The following PTCHD4 variants were observed in gnomAD, a reference collection of about 807,000 sequenced individuals.
The protein encoded by PTCHD4 is patched domain containing 4.
Under a neutral mutation model 58.1 loss-of-function variants are expected in PTCHD4, and 33 were observed. The observed-to-expected ratio is 0.57, with a 90% CI of 0.43 to 0.76. PTCHD4 has a LOEUF of 0.76. Among genes scored for constraint, PTCHD4 ranks in the 30% least tolerant of loss-of-function variants. The pLI is 0.00. For synonymous variants in PTCHD4, 478 were observed against 409.6 expected (o/e 1.17, Z -2.02); for missense variants, 1,058 against 1,027.1 (o/e 1.03, Z -0.41).
chr6:47,996,250 C>T (rs1189700227), intron 4 of PTCHD4, among the ~76,000 whole-genome samples: 2 of 152,118 alleles, frequency 1.3e-5, no homozygotes, highest in African/African-American at 4.8e-5. Context: ...GAGCGGATCA[C>T]TTGAGGTCAG....
intron 4 of PTCHD4, among the ~76,000 whole-genome samples, chr6:47,928,410 A>G (rs1013704163): frequency 5.3e-5 from 8 of 152,228 alleles, no homozygotes; most frequent in African/African-American, 1.7e-4. Context: ...GGGGCCTTGG[A>G]CAGGGGATGA....
At chr6:48,024,782 C>A (rs1421213248) in intron 3 of PTCHD4, among the ~76,000 whole-genome samples, 1 of 152,126 alleles carries the variant, frequency 6.6e-6, no homozygotes, top group African/African-American at 2.4e-5. Context: ...AAGTAAGAAC[C>A]AAACCTCCTG....
Position 47,879,496 on chromosome 6 carries a change from G to A in PTCHD4, c.1339C>T (p.Leu447Phe), listed in dbSNP as rs775962766. ...ATCCATTCATTATAATGTTCACGGA[G>A]GAAGTGCTGAATGAAGTGGTGCTGG... ...PYQHHFIQHF[L>F]REHYNEWITN... Residue 447 changes from leucine to phenylalanine, a missense_variant, in exon 5 of 5, where the codon CTC (leucine) becomes TTC (phenylalanine). Physicochemically the swap from Leu to Phe is conservative, Grantham distance 22. Transcript: ENST00000339488. 6.2e-7 allele frequency: 1 copy of A among 1,613,630 alleles called. No homozygotes were observed. Among genetic ancestry groups the A allele is most frequent in the South Asian group, 1.1e-5 (1 of 91,076 alleles).
In PTCHD4 at chr6:47,978,364, T is replaced by C. The variant is rs193158861; in HGVS notation, c.898+30270A>G. 4.7e-3 allele frequency among the ~76,000 whole-genome samples: 719 copies of C among 152,294 alleles called. 3 individuals are homozygous for C. Among genetic ancestry groups the C allele is most frequent in the African/African-American group, 0.016 (648 of 41,568 alleles). On this transcript the variant is annotated intron_variant, in intron 4 of 4. Coordinates refer to ENST00000339488, the MANE Select transcript of PTCHD4 (RefSeq NM_001384253.1). ...ACTACTAAACTACCAAGAGGCGGTA[T>C]GAGTTAGAGGTCTGGAGAGCTCTGC...
chr6:47,973,457 T>C (rs1172692227), intron 4 of PTCHD4, among the ~76,000 whole-genome samples: 4 of 152,188 alleles, frequency 2.6e-5, no homozygotes, highest in African/African-American at 4.8e-5. Context: ...TAGCTGGAGA[T>C]ATAATCAAGG....
chr6:48,020,111 A>T (rs1474132369), intron 3 of PTCHD4, among the ~76,000 whole-genome samples: 1 of 152,174 alleles, frequency 6.6e-6, no homozygotes, highest in African/African-American at 2.4e-5. Context: ...AAATTTGCTT[A>T]TTCCAAAGCT....
chr6:48,083,314 C>T (rs1334933780), intron 1 of PTCHD4, among the ~76,000 whole-genome samples: 1 of 151,678 alleles, frequency 6.6e-6, no homozygotes, highest in Non-Finnish European at 1.5e-5. Flanking sequence ...TTTTACTTAA[C>T]AAAACAGATA....
In PTCHD4 at chr6:47,936,767, A is replaced by C. The variant is rs1280120599; in HGVS notation, c.899-56831T>G. 2.6e-5 allele frequency among the ~76,000 whole-genome samples: 4 copies of C among 152,336 alleles called. No individual in the cohort carries two copies. The East Asian group carries it at 7.7e-4, about 29-fold the overall frequency. On this transcript the variant is annotated intron_variant, in intron 4 of 4. Transcript: ENST00000339488. Reference sequence around the variant, plus strand: ...TTTTACAGTTTACATTCTAATACACACAAAAAAGGATAAGAAATAATATAA... The same window carrying C: ...TTTTACAGTTTACATTCTAATACACCCAAAAAAGGATAAGAAATAATATAA...
intron 4 of PTCHD4, among the ~76,000 whole-genome samples, chr6:48,002,841 C>G (rs1321053827): frequency 6.6e-6 from 1 of 151,908 alleles, no homozygotes. Context: ...CTTGAAATTA[C>G]CCTTTCATTT....
intron 4 of PTCHD4, among the ~76,000 whole-genome samples, chr6:47,916,614 A>G (rs1380841428): frequency 1.3e-5 from 2 of 151,944 alleles, no homozygotes. Context: ...ACCCCCTTGA[A>G]TCAAACTTTC....
intron 4 of PTCHD4, among the ~76,000 whole-genome samples, chr6:47,893,516 G>A (rs1042118509): frequency 1.3e-5 from 2 of 152,178 alleles, no homozygotes; most frequent in African/African-American, 4.8e-5. Context: ...TATGGTATAT[G>A]AGTCAAGGCA....
chr6:47,928,188 A>T (rs1048994203), intron 4 of PTCHD4, among the ~76,000 whole-genome samples: 2 of 152,266 alleles, frequency 1.3e-5, no homozygotes, highest in Middle Eastern at 3.4e-3. Context: ...GCTCAGTTTT[A>T]AAAAATTGCT....
chr6:47,893,793 C>T (rs78098759), intron 4 of PTCHD4, among the ~76,000 whole-genome samples: 4,204 of 152,174 alleles, frequency 0.028, 189 homozygotes, highest in African/African-American at 0.093. Context: ...GTGTACCAGG[C>T]CTAGAGCAGA....
intron 1 of PTCHD4, among the ~76,000 whole-genome samples, chr6:48,091,657 T>A (rs2113902796): frequency 6.7e-6 from 1 of 149,830 alleles, no homozygotes; most frequent in South Asian, 2.2e-4. Flanking sequence ...CTCTCTTTCT[T>A]TCTTTTTTGG....
chr6:47,994,060 C>T (rs575202241), intron 4 of PTCHD4, among the ~76,000 whole-genome samples: 3 of 152,216 alleles, frequency 2.0e-5, no homozygotes, highest in African/African-American at 4.8e-5. Flanking sequence ...TCAGGGAAGG[C>T]GGGAGCAGGT....
At chr6:47,914,781 T>TATCTATC (rs1554154050) in intron 4 of PTCHD4, among the ~76,000 whole-genome samples, 7 of 150,352 alleles carry the variant, frequency 4.7e-5, no homozygotes, top group African/African-American at 1.7e-4. Context: ...TCTATCTATC[T>TATCTATC]ATCTATCTAT....
At chr6:47,989,082 G>C (rs1023941332) in intron 4 of PTCHD4, among the ~76,000 whole-genome samples, 1 of 152,212 alleles carries the variant, frequency 6.6e-6, no homozygotes, top group Non-Finnish European at 1.5e-5. Flanking sequence ...TGAAGAACTT[G>C]TTGGGAGCTG....
At chr6:47,988,643 A>G (rs1396699454) in intron 4 of PTCHD4, among the ~76,000 whole-genome samples, 1 of 152,194 alleles carries the variant, frequency 6.6e-6, no homozygotes, top group East Asian at 1.9e-4. Flanking sequence ...AGGTCTCATG[A>G]AATCTGATGG....
rs918136104 is a variant in PTCHD4 at position 47,869,180 on chromosome 6, T to G, written c.*9123A>C. On this transcript the variant is annotated 3_prime_UTR_variant, in exon 5 of 5. Transcript: ENST00000339488. The stretch of plus-strand genomic sequence containing the variant: ...ATTATTCATCAAAATACAGTGGACT[T>G]GGATATTGAAATATTTAACATGATT... Among the ~76,000 whole-genome samples the G allele has an allele frequency of 2.6e-5, 4 of 151,756 alleles. No homozygotes were observed. The South Asian group carries it at 6.2e-4, about 24-fold the overall frequency.
Sources: allele counts gnomAD v4.1 joint callset (sites outside exome capture counted in the v4.1 genomes callset), GRCh38; gene constraint gnomAD v4.1.1; transcripts MANE v1.5; gene names NCBI Gene and HGNC (gene_info 2026-07-23, HGNC 2026-07-21).